Variants in HERC2 observed in about 807,000 individuals in gnomAD.
HERC2 encodes HECT and RLD domain containing E3 ubiquitin protein ligase 2, also known as E3 ubiquitin-protein ligase HERC2.
A neutral mutation model predicts 537.7 loss-of-function variants in HERC2; 102 were observed. That is an observed-to-expected ratio of 0.19 (90% confidence interval 0.16 to 0.22). HERC2 has a LOEUF of 0.22. Among genes scored for constraint, HERC2 ranks in the 10% least tolerant of loss-of-function variants. The pLI, the probability that HERC2 is intolerant of heterozygous loss-of-function variation, is 1.00. For synonymous variants in HERC2, 2,224 were observed against 2,466.2 expected, an observed-to-expected ratio of 0.90 and a Z score of 2.91; for missense variants, 4,236 against 6,198.2, an observed-to-expected ratio of 0.68 and a Z score of 10.63.
chr15:28,237,401 C>T (rs965223941), intron 25 of HERC2, among the ~76,000 whole-genome samples: 2 of 152,202 alleles, frequency 1.3e-5, no homozygotes, highest in African/African-American at 4.8e-5. Context: ...GAATCAGTTT[C>T]CAAAGTGACT....
intron 2 of HERC2, 45 bp downstream of exon 2, chr15:28,321,317 C>A (rs1479552654): frequency 1.4e-6 from 1 of 696,426 alleles, no homozygotes; most frequent in Non-Finnish European, 2.6e-6. Context: ...GAAATTTAAA[C>A]ATGGAAGCAG....
chr15:28,148,536 G>A (rs1892007245), intron 70 of HERC2, among the ~76,000 whole-genome samples: 1 of 152,146 alleles, frequency 6.6e-6, no homozygotes, highest in Non-Finnish European at 1.5e-5. Flanking sequence ...GACTTGGGAC[G>A]ACAGACTAAA....
chr15:28,148,215 A>T (rs1338389314), intron 70 of HERC2, among the ~76,000 whole-genome samples: 2 of 152,160 alleles, frequency 1.3e-5, no homozygotes, highest in Non-Finnish European at 2.9e-5. Flanking sequence ...AGACTTACAA[A>T]AACCAAAACA....
At chr15:28,186,935 C>T (rs1057279669) in intron 55 of HERC2, among the ~76,000 whole-genome samples, 183 bp from the exon 56 acceptor site, 1 of 152,174 alleles carries the variant, frequency 6.6e-6, no homozygotes, top group Admixed American at 6.5e-5. Flanking sequence ...ATGTTTACTT[C>T]AAAAGAAGTG....
intron 92 of HERC2, 33 bp from the exon 93 acceptor site, chr15:28,112,068 T>C (rs773594376): frequency 6.2e-7 from 1 of 1,604,168 alleles, no homozygotes; most frequent in East Asian, 2.2e-5. Flanking sequence ...GATTAGAAAT[T>C]GAGTACGGCT....
chr15:28,113,442 G>T lies in HERC2; in HGVS notation c.14019+131C>A. 9.5e-7 allele frequency: 1 copy of T among 1,056,200 alleles called. No homozygotes were observed. The highest frequency in any genetic ancestry group is 2.6e-5 in the East Asian group (1 of 38,730). 65.4% of individuals were successfully genotyped at this position (1,056,200 alleles called of 1,614,324 possible). A position where few individuals can be genotyped will look rare whatever the true frequency, so the allele number is the denominator to read the frequency against. ...ACACAGCCTCCTGCAGGCGGGTGGAGGGACGCGCTCAGAGTGCACTCCCTT... is the reference window on the plus strand; with the variant it reads ...ACACAGCCTCCTGCAGGCGGGTGGATGGACGCGCTCAGAGTGCACTCCCTT... On this transcript the variant is annotated intron_variant, in intron 91 of 92. Transcript: ENST00000261609. This position sits in a 1 kb window ranked among gnomAD's most constrained non-coding sequence, Gnocchi z 7.0.
At chr15:28,256,591 C>T (rs1046309875) in intron 17 of HERC2, among the ~76,000 whole-genome samples, 12 of 152,134 alleles carry the variant, frequency 7.9e-5, no homozygotes, top group Admixed American at 5.2e-4. Context: ...CTCCACCCCG[C>T]GCCAACAATC....
Position 28,214,090 on chromosome 15 carries a change from T to C in HERC2, c.6541A>G (p.Arg2181Gly), listed in dbSNP as rs1281999604. Residue 2181 changes from arginine (R) to glycine (G), a missense_variant, in exon 41 of 93, where the codon AGG becomes GGG. Physicochemically the swap from Arg to Gly is moderately radical, Grantham distance 125. This residue lies in a region of HERC2 where 365 missense variants were observed against 468.8 expected (regional missense o/e 0.78). Transcript: ENST00000261609. Reference sequence around the variant, plus strand: ...CACAAACCCACCCCTTCGGAAGGCCTTCCCACAAAGCTGTGGGTGATGGAG... The same window carrying C: ...CACAAACCCACCCCTTCGGAAGGCCCTCCCACAAAGCTGTGGGTGATGGAG... ...LRSITHSFVG[R>G]PSEGAQLEDY... is the part of the protein sequence containing the mutation. 6.2e-7 allele frequency: 1 copy of C among 1,614,104 alleles called. No individual in the cohort carries two copies. The highest frequency in any genetic ancestry group is 2.2e-5 in the East Asian group (1 of 44,866).
intron 83 of HERC2, among the ~76,000 whole-genome samples, chr15:28,127,827 C>T (rs1889673599): frequency 1.3e-5 from 2 of 152,072 alleles, no homozygotes; most frequent in African/African-American, 2.4e-5. Context: ...ACTATATACC[C>T]CAATGAATAC....
intron 2 of HERC2, among the ~76,000 whole-genome samples, chr15:28,303,435 CA>C (rs1377505042): frequency 2.6e-5 from 4 of 151,946 alleles, no homozygotes; most frequent in Non-Finnish European, 5.9e-5. Context: ...TGATCTAAGC[CA>C]AAAAAGACCA....
intron 56 of HERC2, 41 bp from the exon 57 acceptor site, chr15:28,182,553 T>G: frequency 7.1e-7 from 1 of 1,414,076 alleles, no homozygotes; most frequent in Non-Finnish European, 9.9e-7. Flanking sequence ...AAAGAGAGGT[T>G]ATTCAGCATA....
chr15:28,321,719 G>A (rs2077235335), intron 1 of HERC2, among the ~76,000 whole-genome samples: 2 of 129,960 alleles, frequency 1.5e-5, no homozygotes, highest in Admixed American at 1.5e-4. Flanking sequence ...GAGAATGGAC[G>A]GTCACAGGAA....
chr15:28,139,897 A>C (rs981556643), intron 78 of HERC2, among the ~76,000 whole-genome samples: 2 of 121,138 alleles, frequency 1.7e-5, no homozygotes, highest in African/African-American at 1.0e-4. Flanking sequence ...CATCTCTACT[A>C]AAAAAAAAAA....
Position 28,262,211 on chromosome 15 carries a change from G to A in HERC2, c.2122+707C>T, listed in dbSNP as rs972046163. 1.3e-5 allele frequency among the ~76,000 whole-genome samples: 2 copies of A among 152,254 alleles called. 1 individual carries two copies. The highest frequency in any genetic ancestry group is 4.1e-4 in the South Asian group (2 of 4,824). On this transcript the variant is annotated intron_variant, in intron 15 of 92. Transcript: ENST00000261609. The stretch of plus-strand genomic sequence containing the variant: ...TCCCAACCACTAGGCCAGGTGGTAC[G>A]GAAAAGTCCTGTTTTACCTTAGAAA...
At chr15:28,133,061 A>G (rs772159753) in intron 79 of HERC2, among the ~76,000 whole-genome samples, 8 of 152,064 alleles carry the variant, frequency 5.3e-5, no homozygotes, top group Non-Finnish European at 1.2e-4. Context: ...GTGACCACAC[A>G]TACTGGGTCA....
intron 65 of HERC2, among the ~76,000 whole-genome samples, chr15:28,172,788 A>C (rs533038400): frequency 6.6e-6 from 1 of 152,218 alleles, no homozygotes; most frequent in Non-Finnish European, 1.5e-5. Flanking sequence ...AAAAACTTCT[A>C]ATCTTTAAGA....
intron 84 of HERC2, 114 bp from the exon 85 acceptor site, chr15:28,124,348 G>GC: frequency 3.1e-6 from 2 of 638,112 alleles, no homozygotes; most frequent in South Asian, 4.5e-5. Flanking sequence ...AAGCACTATG[G>GC]TGTCTGAGTT....
At chr15:28,248,909 A>G (rs991818348) in intron 20 of HERC2, among the ~76,000 whole-genome samples, 173 bp from the exon 21 acceptor site, 1 of 152,200 alleles carries the variant, frequency 6.6e-6, no homozygotes, top group African/African-American at 2.4e-5. Flanking sequence ...GCGCAACCTC[A>G]GCCAAAACGG....
chr15:28,136,356 T>C (rs542620166), intron 78 of HERC2, among the ~76,000 whole-genome samples: 446 of 152,026 alleles, frequency 2.9e-3, no homozygotes, highest in East Asian at 0.01. Flanking sequence ...CAAGGGCCAA[T>C]GCAGGAAGTG....
Sources: allele counts gnomAD v4.1 joint callset (sites outside exome capture counted in the v4.1 genomes callset), GRCh38; gene constraint gnomAD v4.1.1; regional missense constraint gnomAD v4.1.1; non-coding constraint Gnocchi (gnomAD v3.1); transcripts MANE v1.5; gene names NCBI Gene and HGNC (gene_info 2026-07-23, HGNC 2026-07-21).